EPHA6: variants seen among roughly 807,000 people sequenced by gnomAD.
EPHA6 encodes ephrin type-A receptor 6.
A neutral mutation model predicts 112.0 loss-of-function variants in EPHA6; 50 were observed. That is an observed-to-expected ratio of 0.45 (90% confidence interval 0.36 to 0.56). The LOEUF is 0.56. Among genes scored for constraint, EPHA6 ranks in the 20% least tolerant of loss-of-function variants. The probability of loss-of-function intolerance (pLI) is 0.00; values close to 1 mark genes in which losing one functional copy is unlikely to be tolerated. For missense variants in EPHA6, 1,280 were observed against 1,417.4 expected (o/e 0.90, Z 1.56); for synonymous variants, 529 against 490.7 (o/e 1.08, Z -1.03).
intron 3 of EPHA6, among the ~76,000 whole-genome samples, chr3:97,146,167 T>G (rs1162509936): frequency 6.6e-6 from 1 of 151,864 alleles, no homozygotes; most frequent in Non-Finnish European, 1.5e-5. Context: ...GGTCTTTCTC[T>G]CATTTTATAA....
chr3:97,284,339 G>T (rs995324405), intron 5 of EPHA6, among the ~76,000 whole-genome samples: 2 of 151,736 alleles, frequency 1.3e-5, no homozygotes, highest in African/African-American at 4.8e-5. Context: ...CCTTTTTTAT[G>T]CAAAAAGAGA....
chr3:97,060,092 G>A (rs1000510419), intron 3 of EPHA6, among the ~76,000 whole-genome samples: 1 of 152,178 alleles, frequency 6.6e-6, no homozygotes, highest in African/African-American at 2.4e-5. Flanking sequence ...TTGCACTCAA[G>A]CCTGGGTGAC....
At chr3:96,873,617 T>G (rs1385588262) in intron 2 of EPHA6, among the ~76,000 whole-genome samples, 1 of 152,166 alleles carries the variant, frequency 6.6e-6, no homozygotes, top group Non-Finnish European at 1.5e-5. Flanking sequence ...GGCTTTATTT[T>G]CTTCATTCAA....
At chr3:96,866,288 G>A (rs934201006) in intron 1 of EPHA6, among the ~76,000 whole-genome samples, 2 of 151,844 alleles carry the variant, frequency 1.3e-5, no homozygotes, top group South Asian at 2.1e-4. Flanking sequence ...GTTTGGTTTC[G>A]CATCTTATAG....
intron 3 of EPHA6, among the ~76,000 whole-genome samples, chr3:97,127,753 T>A (rs561353306): frequency 6.6e-6 from 1 of 151,686 alleles, no homozygotes; most frequent in Non-Finnish European, 1.5e-5. Flanking sequence ...CTGCTTCTCC[T>A]GTTTTCTCAA....
chr3:97,352,879 C>T (rs1023978740), intron 5 of EPHA6, among the ~76,000 whole-genome samples: 1 of 152,054 alleles, frequency 6.6e-6, no homozygotes, highest in African/African-American at 2.4e-5. Context: ...AGGAGAGACT[C>T]CTTCCTTCAG....
chr3:97,003,691 G>A (rs1334969528), intron 3 of EPHA6, among the ~76,000 whole-genome samples: 1 of 151,922 alleles, frequency 6.6e-6, no homozygotes, highest in Non-Finnish European at 1.5e-5. Context: ...GAAAAGGGGG[G>A]ATAAATGTGC....
At chr3:97,217,047 G>C (rs2078053838) in intron 3 of EPHA6, among the ~76,000 whole-genome samples, 1 of 152,142 alleles carries the variant, frequency 6.6e-6, no homozygotes, top group Admixed American at 6.5e-5. Flanking sequence ...GTAATTAAAA[G>C]AGGAAAGCCC....
At chr3:97,524,122 ATT>A (rs926528744) in intron 10 of EPHA6, among the ~76,000 whole-genome samples, 4 of 151,082 alleles carry the variant, frequency 2.6e-5, no homozygotes, top group African/African-American at 9.8e-5. Flanking sequence ...TACTATAGGC[ATT>A]TTATTAATTT....
chr3:97,266,269 A>G (rs577684704), intron 5 of EPHA6, among the ~76,000 whole-genome samples: 1 of 152,298 alleles, frequency 6.6e-6, no homozygotes, highest in East Asian at 1.9e-4. Flanking sequence ...AAATAATGTG[A>G]TTTAAAGAAA....
chr3:96,829,984 C>CAT, intron 1 of EPHA6, among the ~76,000 whole-genome samples: 1 of 147,926 alleles, frequency 6.8e-6, no homozygotes, highest in Non-Finnish European at 1.5e-5. Context: ...CACACACACA[C>CAT]ACACAGAAAT....
chr3:97,415,564 T>C, intron 6 of EPHA6, among the ~76,000 whole-genome samples: 1 of 152,102 alleles, frequency 6.6e-6, no homozygotes, highest in East Asian at 1.9e-4. Flanking sequence ...TCCTGTGTAA[T>C]GGTCAAAAAC....
chr3:97,180,611 G>T (rs1457561218), intron 3 of EPHA6, among the ~76,000 whole-genome samples: 1 of 152,036 alleles, frequency 6.6e-6, no homozygotes, highest in Non-Finnish European at 1.5e-5. Context: ...AAGGTAGCAG[G>T]TTTCCCTCTG....
At chr3:97,459,143 T>A (rs979861237) in intron 7 of EPHA6, among the ~76,000 whole-genome samples, 1 of 152,200 alleles carries the variant, frequency 6.6e-6, no homozygotes, top group African/African-American at 2.4e-5. Flanking sequence ...GAGCTTTTGC[T>A]CTTTTTAGAC....
At chr3:97,165,806 T>A (rs185315249) in intron 3 of EPHA6, among the ~76,000 whole-genome samples, 88 of 152,242 alleles carry the variant, frequency 5.8e-4, no homozygotes, top group African/African-American at 1.9e-3. Flanking sequence ...AAATTCTTAT[T>A]GGAAGTTGAA....
intron 14 of EPHA6, among the ~76,000 whole-genome samples, chr3:97,703,894 ATTTC>A (rs1373886649): frequency 2.6e-5 from 4 of 152,166 alleles, no homozygotes; most frequent in African/African-American, 9.7e-5. Context: ...TCTGAGTGAA[ATTTC>A]TTTCTTTCTC....
intron 3 of EPHA6, among the ~76,000 whole-genome samples, chr3:97,163,472 C>T (rs1325045393): frequency 1.3e-5 from 2 of 152,178 alleles, no homozygotes; most frequent in East Asian, 1.9e-4. Flanking sequence ...TTCATTCCCA[C>T]ACATGTTTCC....
At chr3:96,951,933 G>T (rs988869632) in intron 2 of EPHA6, among the ~76,000 whole-genome samples, 1 of 152,112 alleles carries the variant, frequency 6.6e-6, no homozygotes, top group African/African-American at 2.4e-5. Flanking sequence ...AAGGAAGAAA[G>T]ATAGGAGTTA....
chr3:97,233,703 C>T (rs956186176), intron 4 of EPHA6, among the ~76,000 whole-genome samples: 3 of 152,082 alleles, frequency 2.0e-5, no homozygotes, highest in East Asian at 1.9e-4. Context: ...GCATTTAAAA[C>T]GGTGCTTTCA....
Sources: allele counts gnomAD v4.1 joint callset (sites outside exome capture counted in the v4.1 genomes callset), GRCh38; gene constraint gnomAD v4.1.1; transcripts MANE v1.5; gene names NCBI Gene and HGNC (gene_info 2026-07-23, HGNC 2026-07-21).